Variants in OCLN observed in about 807,000 individuals in gnomAD.
OCLN encodes the protein phosphatase 1, regulatory subunit 115.
A neutral mutation model predicts 47.9 loss-of-function variants in OCLN; 21 were observed. The observed-to-expected ratio is 0.44, with a 90% CI of 0.31 to 0.63. OCLN has a LOEUF of 0.63. Among genes scored for constraint, OCLN ranks in the 30% least tolerant of loss-of-function variants. The pLI, the probability that OCLN is intolerant of heterozygous loss-of-function variation, is 0.08. For missense variants in OCLN, 360 were observed against 571.0 expected (o/e 0.63, Z 3.77); for synonymous variants, 117 against 198.4 (o/e 0.59, Z 3.45).
intron 4 of OCLN, among the ~76,000 whole-genome samples, chr5:69,520,369 C>T (rs1191020156): frequency 6.6e-6 from 1 of 150,766 alleles, no homozygotes; most frequent in African/African-American, 2.4e-5. Flanking sequence ...GGCACTATCT[C>T]GGCTCACTGC....
In OCLN at chr5:69,557,344, A is replaced by G. The variant is rs189167216; in HGVS notation, c.*3673A>G. 24 of 85,054 alleles carry G rather than the reference A, an allele frequency of 2.8e-4. 8 individuals are homozygous for G. The highest frequency in any genetic ancestry group is 5.0e-4 in the Non-Finnish European group (14 of 28,002). The allele number at this position is 85,054 out of a possible 1,614,324, so 5.3% of individuals were successfully genotyped here. On this transcript the variant is annotated 3_prime_UTR_variant, in exon 9 of 9. Transcript: ENST00000396442. ...TCAGTTTTTTGTATTTGTAAAATAT[A>G]TTTGTAATAATCTCATAGTTAAGAA...
chr5:69,527,477 T>C (rs923161171), intron 4 of OCLN, among the ~76,000 whole-genome samples: 5 of 152,210 alleles, frequency 3.3e-5, no homozygotes, highest in Non-Finnish European at 7.3e-5. Flanking sequence ...TGTTTTCTTT[T>C]TGTATTTTTT....
intron 1 of OCLN, among the ~76,000 whole-genome samples, chr5:69,501,705 T>C (rs1275425773): frequency 2.0e-5 from 3 of 152,184 alleles, no homozygotes; most frequent in Non-Finnish European, 4.4e-5. Context: ...ATTTGTGCAC[T>C]TTTCTCTATG....
chr5:69,498,256 G>T (rs938192196), intron 1 of OCLN, among the ~76,000 whole-genome samples: 20 of 152,364 alleles, frequency 1.3e-4, no homozygotes, highest in Non-Finnish European at 2.2e-4. Context: ...CACTTTGGGA[G>T]GCTGAGGTGG....
intron 4 of OCLN, among the ~76,000 whole-genome samples, chr5:69,520,728 G>A (rs1224443577): frequency 6.6e-6 from 1 of 151,876 alleles, no homozygotes; most frequent in Non-Finnish European, 1.5e-5. Flanking sequence ...TGTCACCCGT[G>A]TTGGAGTGCA....
intron 1 of OCLN, among the ~76,000 whole-genome samples, chr5:69,499,970 A>G (rs953546072): frequency 2.0e-5 from 3 of 152,248 alleles, no homozygotes; most frequent in African/African-American, 7.2e-5. Flanking sequence ...AATTTGTCTC[A>G]GATTGCGAGC....
At chr5:69,511,585 A>C (rs1368436820) in intron 3 of OCLN, among the ~76,000 whole-genome samples, 1 of 151,874 alleles carries the variant, frequency 6.6e-6, no homozygotes, top group Non-Finnish European at 1.5e-5. Flanking sequence ...ATAATTTTTT[A>C]AAAAATTTTT....
chr5:69,515,597 A>T (rs1408847054), intron 4 of OCLN, among the ~76,000 whole-genome samples: 1 of 102,242 alleles, frequency 9.8e-6, no homozygotes. Context: ...TGACCCCCCC[A>T]CCTCCCTCCC....
intron 4 of OCLN, among the ~76,000 whole-genome samples, chr5:69,524,700 T>A (rs1365196252): frequency 6.6e-6 from 1 of 152,226 alleles, no homozygotes; most frequent in Non-Finnish European, 1.5e-5. Context: ...TATTTATTTA[T>A]TTTTAAGATA....
At chr5:69,515,357 G>A (rs1220659569) in intron 4 of OCLN, among the ~76,000 whole-genome samples, 1 of 145,220 alleles carries the variant, frequency 6.9e-6, no homozygotes. Context: ...AGGGGCGGCC[G>A]GGCAGAGGGG....
Position 69,509,600 on chromosome 5 carries a change from A to G in OCLN, c.510A>G (p.Arg170=). 5.0e-6 allele frequency: 8 copies of G among 1,614,230 alleles called. No homozygotes were observed. Among genetic ancestry groups the G allele is most frequent in the South Asian group, 1.1e-5 (1 of 91,080 alleles). Residue 170 remains arginine (R), a synonymous_variant, in exon 3 of 9, where the codon AGA becomes AGG. Coordinates refer to ENST00000396442, the MANE Select transcript of OCLN (RefSeq NM_001205254.2). Reference sequence around the variant, plus strand: ...GATCTGAAATGTCCAGAACAAGAAGATACTACTTAAGTGTGATAATAGTGA... The same window carrying G: ...GATCTGAAATGTCCAGAACAAGAAGGTACTACTTAAGTGTGATAATAGTGA... ...VIRSEMSRTR[R]YYLSVIIVSA... is the part of the protein sequence containing the mutation.
chr5:69,513,967 G>C lies in OCLN; in HGVS notation c.749G>C (p.Gly250Ala). The change falls in exon 4 of 9, where the codon GGG becomes GCG. Residue 250 changes from glycine (G) to alanine (A), a missense_variant. By Grantham distance (60) the Gly-to-Ala change is moderately conservative (BLOSUM62 0). Around this residue, in one of 3 missense-constraint regions of OCLN, gnomAD observed 314 missense variants for 368.1 expected, o/e 0.85. Transcript: ENST00000396442. ...DPQEAIAIVL[G>A]FMIIVAFALI... ...TTTTAGGCCATTGCCATTGTACTGG[G>C]GTTCATGATTATTGTGGCTTTTGCT... The C allele has an allele frequency of 6.2e-7, 1 of 1,613,796 alleles. No homozygotes were observed. The highest frequency in any genetic ancestry group is 8.5e-7 in the Non-Finnish European group (1 of 1,179,772).
intron 4 of OCLN, among the ~76,000 whole-genome samples, chr5:69,527,994 A>T (rs1341875245): frequency 6.6e-6 from 1 of 152,190 alleles, no homozygotes; most frequent in East Asian, 1.9e-4. Flanking sequence ...TAAATCCTAA[A>T]TGCCATCTGA....
At chr5:69,506,456 G>A (rs1768609781) in intron 2 of OCLN, among the ~76,000 whole-genome samples, 1 of 152,252 alleles carries the variant, frequency 6.6e-6, no homozygotes, top group Middle Eastern at 3.4e-3. Context: ...GTCCTTTTGG[G>A]TTTTTATGGA....
intron 1 of OCLN, among the ~76,000 whole-genome samples, chr5:69,495,340 A>C (rs1768261273): frequency 6.6e-6 from 1 of 152,134 alleles, no homozygotes; most frequent in African/African-American, 2.4e-5. Flanking sequence ...TCACTTAGGG[A>C]TCCTATTAAA....
chr5:69,503,359 C>T (rs981260484), intron 1 of OCLN, among the ~76,000 whole-genome samples: 1 of 152,148 alleles, frequency 6.6e-6, no homozygotes, highest in Non-Finnish European at 1.5e-5. Flanking sequence ...TTTCAAAGCC[C>T]TCCCTTTTCT....
At position 69,514,029 on chromosome 5, in the gene OCLN, A is replaced by T. The variant is rs559132071; in HGVS notation, c.811A>T (p.Met271Leu). ...IFFAVKTRRKMDRYDKSNILW... is the reference protein window; with the variant it reads ...IFFAVKTRRKLDRYDKSNILW... ...CTTTGCTGTGAAAACTCGAAGAAAG[A>T]TGGACAGGTATGACAAGTCCAATAT... Residue 271 changes from methionine (M) to leucine (L), a missense_variant, in exon 4 of 9, where the codon ATG becomes TTG. By Grantham distance (15) the Met-to-Leu change is conservative (BLOSUM62 2). Coordinates refer to ENST00000396442, the MANE Select transcript of OCLN (RefSeq NM_001205254.2). 5.0e-6 allele frequency: 8 copies of T among 1,613,406 alleles called. No homozygotes were observed. The highest frequency in any genetic ancestry group is 6.8e-6 in the Non-Finnish European group (8 of 1,179,416).
At chr5:69,520,303 CTTT>C (rs1188006043) in intron 4 of OCLN, among the ~76,000 whole-genome samples, 6 of 130,740 alleles carry the variant, frequency 4.6e-5, no homozygotes, top group Admixed American at 7.8e-5. Context: ...CTATGGGGTA[CTTT>C]TTTTTTTTTT....
intron 4 of OCLN, among the ~76,000 whole-genome samples, chr5:69,514,476 GGGT>G (rs1768872971): frequency 6.6e-6 from 1 of 151,728 alleles, no homozygotes; most frequent in African/African-American, 2.4e-5. Context: ...GTGCTCTCGT[GGGT>G]CAAGATTGGC....
Sources: gnomAD v4.1 joint callset for allele counts (sites outside exome capture counted in the v4.1 genomes callset) on GRCh38, gnomAD v4.1.1 for gene constraint, gnomAD v4.1.1 regional missense constraint, MANE v1.5 for transcripts, NCBI Gene and HGNC (gene_info 2026-07-23, HGNC 2026-07-21) for gene names.